SLC26A7: variants seen among roughly 807,000 people sequenced by gnomAD.
The protein encoded by SLC26A7 is anion exchange transporter.
SLC26A7 carries 59 observed loss-of-function variants against 82.5 expected under a neutral mutation model. That is an observed-to-expected ratio of 0.72 (90% CI 0.58 to 0.89). The LOEUF (loss-of-function observed/expected upper bound fraction) is 0.89. SLC26A7 is among the 40% of genes least tolerant of loss of function. The pLI is 0.00. For synonymous variants in SLC26A7, 271 were observed against 274.3 expected, an observed-to-expected ratio of 0.99 and a Z score of 0.12; for missense variants, 820 against 793.0, an observed-to-expected ratio of 1.03 and a Z score of -0.41.
At chr8:91,368,364 T>G (rs1034943026) in intron 14 of SLC26A7, among the ~76,000 whole-genome samples, 2 of 152,070 alleles carry the variant, frequency 1.3e-5, no homozygotes, top group African/African-American at 2.4e-5. Context: ...GGGTCGAATA[T>G]CTACATAAAT....
At chr8:91,394,223 T>G in intron 18 of SLC26A7, 184 bp downstream of exon 18, 1 of 1,613,482 alleles carries the variant, frequency 6.2e-7, no homozygotes, top group Admixed American at 1.7e-5. Context: ...TTTAGGCCAG[T>G]TATAAACTGT....
intron 4 of SLC26A7, among the ~76,000 whole-genome samples, chr8:91,297,434 C>G (rs1174893383): frequency 6.6e-6 from 1 of 151,660 alleles, no homozygotes; most frequent in Non-Finnish European, 1.5e-5. Flanking sequence ...TCTCATTTCC[C>G]CGAATGAAAC....
chr8:91,384,549 A>C (rs1362981310), intron 15 of SLC26A7, among the ~76,000 whole-genome samples: 1 of 152,156 alleles, frequency 6.6e-6, no homozygotes, highest in Non-Finnish European at 1.5e-5. Context: ...TATTCTGTCC[A>C]TCACACAAGG....
rs1810232671 is a variant in SLC26A7, at chr8:91,225,926, TACTCCATGGA to T, written c.-34+6923_-34+6932del. On this transcript the variant is annotated intron_variant, in intron 2 of 5. Transcript: ENST00000522862. Reference sequence around the variant, plus strand: ...GTCCAGCTGCTCCTCCTCTGGCTGGTACTCCATGGAAGGTTGGGCTTAATTGGCTGTCTCC... The same window carrying T: ...GTCCAGCTGCTCCTCCTCTGGCTGGTAGGTTGGGCTTAATTGGCTGTCTCC... Among the ~76,000 whole-genome samples the T allele has an allele frequency of 5.3e-5, 8 of 152,230 alleles. No homozygotes were observed. In the South Asian group the frequency reaches 1.7e-3, roughly 32 times the overall value.
At chr8:91,307,821 A>AT (rs1395808197) in intron 4 of SLC26A7, among the ~76,000 whole-genome samples, 8 of 150,904 alleles carry the variant, frequency 5.3e-5, no homozygotes, top group East Asian at 1.9e-4. Context: ...ATAAATAAAA[A>AT]AAATAAATTT....
At chr8:91,334,852 A>G (rs971043575) in intron 6 of SLC26A7, among the ~76,000 whole-genome samples, 2 of 152,164 alleles carry the variant, frequency 1.3e-5, no homozygotes, top group Non-Finnish European at 2.9e-5. Context: ...AATATTATCA[A>G]TTGATAAATG....
intron 5 of SLC26A7, 87 bp from the exon 6 acceptor site, chr8:91,334,208 A>G: frequency 7.9e-7 from 1 of 1,260,202 alleles, no homozygotes; most frequent in South Asian, 1.5e-5. Context: ...TTTATAAAAC[A>G]TCATTGAGTT....
At chr8:91,243,694 T>G (rs1164935625) in intron 2 of SLC26A7, among the ~76,000 whole-genome samples, 3 of 152,148 alleles carry the variant, frequency 2.0e-5, no homozygotes, top group African/African-American at 7.2e-5. Flanking sequence ...TCACATAGTT[T>G]CCATGTTTTC....
intron 2 of SLC26A7, among the ~76,000 whole-genome samples, chr8:91,266,385 T>C (rs141089448): frequency 6.6e-6 from 1 of 152,080 alleles, no homozygotes; most frequent in African/African-American, 2.4e-5. Flanking sequence ...TGCCTTTTAT[T>C]TGGGTCTTCT....
In SLC26A7 at chr8:91,334,327, T is replaced by C; in HGVS notation, c.675T>C (p.Ser225=). 1.2e-6 allele frequency: 2 copies of C among 1,612,904 alleles called. No homozygotes were observed. The highest frequency in any genetic ancestry group is 1.7e-6 in the Non-Finnish European group (2 of 1,179,340). The part of the protein sequence containing the change: ...IYAYVFENIK[S]VRLEALLLSL... ...CATATGTTTTTGAAAACATCAAGTC[T>C]GTGCGACTGGAAGCATTGCTTTTAT... Residue 225 remains serine, a synonymous_variant, in exon 6 of 19, where the codon TCT becomes TCC. Transcript: ENST00000276609.
At chr8:91,211,627 A>G (rs993076494) in intron 1 of SLC26A7, among the ~76,000 whole-genome samples, 1 of 133,350 alleles carries the variant, frequency 7.5e-6, no homozygotes, top group African/African-American at 2.7e-5. Flanking sequence ...TTTTTTTTTT[A>G]TTTTTTTTGC....
At chr8:91,212,503 TATGAAAATAA>T (rs1433544145) in intron 1 of SLC26A7, among the ~76,000 whole-genome samples, 5 of 152,220 alleles carry the variant, frequency 3.3e-5, no homozygotes, top group Non-Finnish European at 1.5e-5. Flanking sequence ...TCATTTACTT[TATGAAAATAA>T]ATGAAAATTT....
At chr8:91,342,172 C>T (rs569637081) in intron 8 of SLC26A7, among the ~76,000 whole-genome samples, 26 of 152,172 alleles carry the variant, frequency 1.7e-4, no homozygotes, top group South Asian at 1.7e-3. Context: ...TTCAAGAGAT[C>T]CCCCGCCTCT....
chr8:91,209,509 C>T (rs1563627076), exon 1 of SLC26A7: 1 of 152,098 alleles, frequency 6.6e-6, no homozygotes, highest in Non-Finnish European at 1.5e-5. Context: ...GCCAGCAAGT[C>T]TTGACTAATC....
intron 2 of SLC26A7, among the ~76,000 whole-genome samples, chr8:91,234,827 A>C (rs56164946): frequency 0.18 from 16,179 of 91,642 alleles, 1,399 homozygotes; most frequent in African/African-American, 0.26. Flanking sequence ...CTACCTACCT[A>C]CTTCCTTCCT....
At chr8:91,362,954 C>A (rs1404151926) in intron 12 of SLC26A7, among the ~76,000 whole-genome samples, 3 of 151,908 alleles carry the variant, frequency 2.0e-5, no homozygotes, top group African/African-American at 7.2e-5. Context: ...CTAGTCTGAC[C>A]AATTCTTTTT....
intron 11 of SLC26A7, among the ~76,000 whole-genome samples, chr8:91,357,017 T>TC (rs1451659862): frequency 1.3e-5 from 2 of 152,134 alleles, no homozygotes; most frequent in African/African-American, 4.8e-5. Context: ...TCTCCATTCT[T>TC]CATCTTGTTT....
chr8:91,309,000 A>G (rs1308855547), intron 4 of SLC26A7, among the ~76,000 whole-genome samples: 1 of 152,102 alleles, frequency 6.6e-6, no homozygotes, highest in Non-Finnish European at 1.5e-5. Context: ...TTATTAGAGA[A>G]AGCTGTTAGA....
chr8:91,249,424 A>G lies in SLC26A7; in HGVS notation c.-114+11A>G. ...AGATAAGAATTCAAGGTTTTAATCT[A>G]TAGTTTTTAAATCTAGAATAATTAG... On this transcript the variant is annotated intron_variant, in intron 1 of 18. Coordinates refer to ENST00000276609, the MANE Select transcript of SLC26A7 (RefSeq NM_052832.4). The G allele has an allele frequency of 2.8e-6, 1 of 359,142 alleles. No individual in the cohort carries two copies. Among genetic ancestry groups the G allele is most frequent in the Non-Finnish European group, 5.0e-6 (1 of 201,818 alleles). The allele number at this position is 359,142 out of a possible 1,614,324, so 22.2% of individuals were successfully genotyped here.
Sources: allele counts gnomAD v4.1 joint callset (sites outside exome capture counted in the v4.1 genomes callset), GRCh38; gene constraint gnomAD v4.1.1; transcripts MANE v1.5; gene names NCBI Gene and HGNC (gene_info 2026-07-23, HGNC 2026-07-21).